Variants in LIFR observed in about 807,000 individuals in gnomAD.
The protein encoded by LIFR is LIF receptor subunit alpha.
LIFR carries 84 observed loss-of-function variants against 122.2 expected under a neutral mutation model. That is an observed-to-expected ratio of 0.69 (90% CI 0.58 to 0.82). The LOEUF (loss-of-function observed/expected upper bound fraction) is 0.82. LIFR is among the 40% of genes least tolerant of loss of function. The probability of loss-of-function intolerance (pLI) is 0.00; values close to 1 mark genes in which losing one functional copy is unlikely to be tolerated. For missense variants in LIFR, 1,294 were observed against 1,311.6 expected, an observed-to-expected ratio of 0.99 and a Z score of 0.21; for synonymous variants, 422 against 434.7, an observed-to-expected ratio of 0.97 and a Z score of 0.36.
intron 7 of LIFR, among the ~76,000 whole-genome samples, chr5:38,508,470 G>A (rs1580068649): frequency 2.0e-5 from 3 of 152,278 alleles, no homozygotes; most frequent in Admixed American, 1.3e-4. Flanking sequence ...ATTGATCCAC[G>A]GATTTAATGT....
chr5:38,508,803 C>G (rs1054233751), intron 7 of LIFR, among the ~76,000 whole-genome samples: 1 of 151,920 alleles, frequency 6.6e-6, no homozygotes, highest in Non-Finnish European at 1.5e-5. Context: ...CCAGGATGGT[C>G]TCGATCTCCT....
intron 13 of LIFR, among the ~76,000 whole-genome samples, chr5:38,494,576 G>T (rs1744779613): frequency 6.6e-6 from 1 of 152,188 alleles, no homozygotes; most frequent in African/African-American, 2.4e-5. Flanking sequence ...CCAGGCTGGG[G>T]GTGAAGAATT....
intron 16 of LIFR, among the ~76,000 whole-genome samples, chr5:38,486,245 T>G (rs1744281232): frequency 6.6e-6 from 1 of 152,188 alleles, no homozygotes; most frequent in South Asian, 2.1e-4. Context: ...TGTTTGAAGT[T>G]TTCACACACA....
chr5:38,516,495 A>G (rs1172304723), intron 5 of LIFR, among the ~76,000 whole-genome samples: 1 of 152,232 alleles, frequency 6.6e-6, no homozygotes, highest in African/African-American at 2.4e-5. Context: ...TGCAAATCAA[A>G]ACCACAATGA....
chr5:38,566,835 TCATTGGTAAGTGTTAAAAAC>T (rs1475383743), intron 1 of LIFR, among the ~76,000 whole-genome samples: 1 of 152,198 alleles, frequency 6.6e-6, no homozygotes, highest in East Asian at 1.9e-4. Flanking sequence ...GACAAGTGAT[TCATTGGTAAGTGTTAAAAAC>T]CAATTCTAAA....
At chr5:38,520,713 C>A (rs1746354396) in intron 5 of LIFR, among the ~76,000 whole-genome samples, 1 of 152,148 alleles carries the variant, frequency 6.6e-6, no homozygotes, top group South Asian at 2.1e-4. Flanking sequence ...TATGTATGTT[C>A]TTGGTACCTT....
At chr5:38,539,281 C>T (rs963097768) in intron 1 of LIFR, among the ~76,000 whole-genome samples, 2 of 152,110 alleles carry the variant, frequency 1.3e-5, no homozygotes, top group African/African-American at 4.8e-5. Flanking sequence ...CCACTATGTC[C>T]AACCAGACAC....
intron 1 of LIFR, among the ~76,000 whole-genome samples, chr5:38,553,441 T>TG (rs2112659777): frequency 6.6e-6 from 1 of 151,724 alleles, no homozygotes; most frequent in African/African-American, 2.4e-5. Context: ...TAGCAGGGTC[T>TG]GTCTGTCCTG....
intron 1 of LIFR, among the ~76,000 whole-genome samples, chr5:38,562,213 C>T (rs1243345452): frequency 3.3e-5 from 5 of 152,160 alleles, no homozygotes; most frequent in Admixed American, 3.3e-4. Flanking sequence ...CAGATTCTTA[C>T]TCTTCCTCTC....
intron 2 of LIFR, among the ~76,000 whole-genome samples, chr5:38,601,019 A>G (rs1364612909): frequency 6.6e-6 from 1 of 152,178 alleles, no homozygotes; most frequent in African/African-American, 2.4e-5. Flanking sequence ...TGGACTGAAT[A>G]TTTGTGTTCT....
At chr5:38,509,693 G>A (rs941037465) in intron 7 of LIFR, among the ~76,000 whole-genome samples, 2 of 152,160 alleles carry the variant, frequency 1.3e-5, no homozygotes, top group African/African-American at 4.8e-5. Flanking sequence ...CATAAAGGGA[G>A]GAAGGGACTC....
At chr5:38,526,571 G>T (rs1473027178) in intron 4 of LIFR, among the ~76,000 whole-genome samples, 1 of 152,090 alleles carries the variant, frequency 6.6e-6, no homozygotes, top group African/African-American at 2.4e-5. Flanking sequence ...CTAAAGGACA[G>T]CTATACATGC....
At chr5:38,493,092 T>G (rs1744684934) in intron 14 of LIFR, among the ~76,000 whole-genome samples, 1 of 152,132 alleles carries the variant, frequency 6.6e-6, no homozygotes, top group Non-Finnish European at 1.5e-5. Context: ...TTGCCCTGCA[T>G]CAGGGTTAAG....
At chr5:38,564,823 G>T (rs1392519518) in intron 1 of LIFR, among the ~76,000 whole-genome samples, 1 of 151,414 alleles carries the variant, frequency 6.6e-6, no homozygotes, top group Admixed American at 6.6e-5. Flanking sequence ...ACCCAGGCTG[G>T]AGTGCAGTGG....
At chr5:38,556,106 G>C (rs1748516806) in intron 1 of LIFR, among the ~76,000 whole-genome samples, 1 of 152,164 alleles carries the variant, frequency 6.6e-6, no homozygotes, top group Non-Finnish European at 1.5e-5. Flanking sequence ...CCCTGCGTGG[G>C]GCAGAAGTTC....
chr5:38,523,953 C>G lies in LIFR; in HGVS notation c.398-371G>C, dbSNP rs183102767. ...CAAATTTAAGAAAATTATTTATTAG[C>G]TGGCTGTTTCAAATCCACAGCACAT... On this transcript the variant is annotated intron_variant, in intron 4 of 19. Coordinates refer to ENST00000453190, the MANE Select transcript of LIFR (RefSeq NM_001127671.2). Among the ~76,000 whole-genome samples, 121 of 152,306 alleles carry G rather than the reference C, an allele frequency of 7.9e-4. 1 individual carries two copies. The highest frequency in any genetic ancestry group is 3.4e-3 in the Middle Eastern group (1 of 294).
In LIFR at chr5:38,528,849, GACACACACAC is replaced by G. The variant is rs10637374; in HGVS notation, c.143-19_143-10del. The G allele has an allele frequency of 1.6e-5, 15 of 921,544 alleles. No individual in the cohort carries two copies. The highest frequency in any genetic ancestry group is 4.3e-5 in the Admixed American group (2 of 46,136). 57.1% of individuals were successfully genotyped at this position (921,544 alleles called of 1,614,324 possible). The stretch of plus-strand genomic sequence containing the variant: ...CAAATCATGAGGAGCCCCTGGAGGA[GACACACACAC>G]ACACACACACACACACACAGACACA... On this transcript the variant is annotated splice_polypyrimidine_tract_variant and intron_variant, in intron 2 of 19. Transcript: ENST00000453190.
chr5:38,524,142 C>A (rs994612472), intron 4 of LIFR, among the ~76,000 whole-genome samples: 36 of 152,320 alleles, frequency 2.4e-4, no homozygotes, highest in Middle Eastern at 6.8e-3. Context: ...TTGGTAAAGG[C>A]TTCTCTCTGT....
chr5:38,580,649 C>A lies in LIFR; in HGVS notation c.-20+14612G>T, dbSNP rs115185090. Among the ~76,000 whole-genome samples, 1,021 of 152,274 alleles carry A rather than the reference C, an allele frequency of 6.7e-3. 14 individuals carry two copies. Among genetic ancestry groups the A allele is most frequent in the African/African-American group, 0.024 (982 of 41,538 alleles). On this transcript the variant is annotated intron_variant, in intron 1 of 19. Transcript: ENST00000263409. ...AGGTCATCTCCACCTAACCTCACAT[C>A]TGCCTCAAAATTAATGTATCCCAAG...
Sources: allele counts gnomAD v4.1 joint callset (sites outside exome capture counted in the v4.1 genomes callset), GRCh38; gene constraint gnomAD v4.1.1; transcripts MANE v1.5; gene names NCBI Gene and HGNC (gene_info 2026-07-23, HGNC 2026-07-21).